YWHAH: variants seen among roughly 807,000 people sequenced by gnomAD.
YWHAH encodes 14-3-3 protein eta.
YWHAH carries 6 observed loss-of-function variants against 22.9 expected under a neutral mutation model. The observed-to-expected ratio is 0.26, with a 90% CI of 0.14 to 0.52. YWHAH has a LOEUF of 0.52. Ranked by LOEUF, YWHAH falls within the 20% of genes least tolerant of loss-of-function variation. YWHAH has a pLI of 0.97. For missense variants in YWHAH, 173 were observed against 308.6 expected, an observed-to-expected ratio of 0.56 and a Z score of 3.29; for synonymous variants, 135 against 124.5, an observed-to-expected ratio of 1.08 and a Z score of -0.56.
intron 1 of YWHAH, chr22:31,945,038 G>A: frequency 8.9e-7 from 1 of 1,119,728 alleles, no homozygotes; most frequent in Non-Finnish European, 1.1e-6. Flanking sequence ...GGAGGGTGCA[G>A]TTCGGGATCG....
At position 31,956,244 on chromosome 22, in the gene YWHAH, A is replaced by G. The variant is rs1251420804; in HGVS notation, c.193A>G (p.Ser65Gly). The change falls in exon 2 of 2, where the codon AGC becomes GGC. Residue 65 changes from serine (S) to glycine (G), a missense_variant. Coordinates refer to ENST00000248975, the MANE Select transcript of YWHAH (RefSeq NM_003405.4). The surrounding 1 kb of genome is among the most constrained non-coding windows in gnomAD (Gnocchi z 5.1). ...ARRSSWRVIS[S>G]IEQKTMADGN... is the part of the protein sequence containing the mutation. ...GCGATCTTCCTGGAGGGTCATTAGC[A>G]GCATTGAGCAGAAAACCATGGCTGA... The G allele has an allele frequency of 6.2e-7, 1 of 1,614,234 alleles. No individual in the cohort carries two copies. Among genetic ancestry groups the G allele is most frequent in the South Asian group, 1.1e-5 (1 of 91,082 alleles).
In YWHAH at chr22:31,944,859, G is replaced by C. The variant is rs775885217; in HGVS notation, c.87+39G>C. 8 of 1,301,984 alleles carry C rather than the reference G, an allele frequency of 6.1e-6. No individual in the cohort carries two copies. The South Asian group carries it at 1.1e-4, about 18-fold the overall frequency. The allele number at this position is 1,301,984 out of a possible 1,614,324, so 80.7% of individuals were successfully genotyped here. A position where few individuals can be genotyped will look rare whatever the true frequency, so the allele number is the denominator to read the frequency against. The stretch of plus-strand genomic sequence containing the variant: ...GAGCCCGGGCGGCTGGCCGGGGGGG[G>C]CCTGGCGTTGGGGAGGGACGGGGAT... On this transcript the variant is annotated intron_variant, in intron 1 of 1. Transcript: ENST00000248975.
chr22:31,956,879 G>A lies in YWHAH; in HGVS notation c.*87G>A, dbSNP rs2093850241. 1 of 1,436,500 alleles carries A rather than the reference G, an allele frequency of 7.0e-7. No homozygotes were observed. The highest frequency in any genetic ancestry group is 1.4e-5 in the African/African-American group (1 of 70,046). The allele number at this position is 1,436,500 out of a possible 1,614,324, so 89.0% of individuals were successfully genotyped here. A position where few individuals can be genotyped will look rare whatever the true frequency, so the allele number is the denominator to read the frequency against. On this transcript the variant is annotated 3_prime_UTR_variant, in exon 2 of 2. Coordinates refer to ENST00000248975, the MANE Select transcript of YWHAH (RefSeq NM_003405.4). The surrounding 1 kb of genome is among the most constrained non-coding windows in gnomAD (Gnocchi z 5.1). ...TTGCCACAATCACTAAATATCTAGT[G>A]CTAAACCTATCTGTATTGGCAGCAC...
intron 1 of YWHAH, chr22:31,945,753 G>A (rs951740324): frequency 9.7e-6 from 11 of 1,135,494 alleles, no homozygotes; most frequent in Admixed American, 6.2e-5. Context: ...CCTATGTTCA[G>A]TGTACAACCT....
chr22:31,948,458 C>T (rs945685335), intron 1 of YWHAH, among the ~76,000 whole-genome samples: 1 of 151,456 alleles, frequency 6.6e-6, no homozygotes, highest in African/African-American at 2.4e-5. Flanking sequence ...GTGGCACGAT[C>T]ATAATTCACT....
intron 1 of YWHAH, chr22:31,945,042 G>C (rs2093831611): frequency 3.6e-6 from 4 of 1,117,318 alleles, no homozygotes; most frequent in Non-Finnish European, 4.4e-6. Context: ...GGTGCAGTTC[G>C]GGATCGCGAA....
At chr22:31,954,229 A>C (rs780475482) in intron 1 of YWHAH, among the ~76,000 whole-genome samples, 7 of 152,006 alleles carry the variant, frequency 4.6e-5, no homozygotes, top group Middle Eastern at 6.8e-3. Context: ...TTTTTTGTTT[A>C]GTGTTTTATG....
Position 31,944,828 on chromosome 22 carries a change from C to T in YWHAH, c.87+8C>T. The stretch of plus-strand genomic sequence containing the variant: ...GCCTCCGCTATGAAGGCGGTGAGCG[C>T]GCCGGGAGCCCGGGCGGCTGGCCGG... On this transcript the variant is annotated splice_region_variant and intron_variant, in intron 1 of 1. Transcript: ENST00000248975. 2 of 1,368,816 alleles carry T rather than the reference C, an allele frequency of 1.5e-6. No individual in the cohort carries two copies. Among genetic ancestry groups the T allele is most frequent in the South Asian group, 3.0e-5 (2 of 67,152 alleles). The allele number at this position is 1,368,816 out of a possible 1,614,324, so 84.8% of individuals were successfully genotyped here.
At chr22:31,949,674 T>A (rs1399357792) in intron 1 of YWHAH, among the ~76,000 whole-genome samples, 1 of 152,204 alleles carries the variant, frequency 6.6e-6, no homozygotes, top group East Asian at 1.9e-4. Flanking sequence ...CATTCTTGTT[T>A]AACAATTCAG....
At chr22:31,953,622 G>T (rs1244044128) in intron 1 of YWHAH, among the ~76,000 whole-genome samples, 1 of 152,206 alleles carries the variant, frequency 6.6e-6, no homozygotes, top group African/African-American at 2.4e-5. Flanking sequence ...GGTTATAGGT[G>T]TTCAGCTGGA....
Position 31,945,173 on chromosome 22 carries a change from C to T in YWHAH, c.87+353C>T, listed in dbSNP as rs1186695851. ...CCGCATTTCTCCTAGAGCGTTTCACCGGACCCGGGGGCTCCCCCTCTCGTC... is the reference window on the plus strand; with the variant it reads ...CCGCATTTCTCCTAGAGCGTTTCACTGGACCCGGGGGCTCCCCCTCTCGTC... On this transcript the variant is annotated intron_variant, in intron 1 of 1. Transcript: ENST00000248975. 3.6e-6 allele frequency: 4 copies of T among 1,120,660 alleles called. No individual in the cohort carries two copies. The East Asian group carries it at 2.0e-4, about 57-fold the overall frequency. 69.4% of individuals were successfully genotyped at this position (1,120,660 alleles called of 1,614,324 possible). A position where few individuals can be genotyped will look rare whatever the true frequency, so the allele number is the denominator to read the frequency against.
chr22:31,953,627 G>C (rs1314294850), intron 1 of YWHAH, among the ~76,000 whole-genome samples: 1 of 152,220 alleles, frequency 6.6e-6, no homozygotes, highest in African/African-American at 2.4e-5. Flanking sequence ...TAGGTGTTCA[G>C]CTGGATTTAA....
chr22:31,955,015 A>G (rs1396927179), intron 1 of YWHAH, among the ~76,000 whole-genome samples: 1 of 152,218 alleles, frequency 6.6e-6, no homozygotes, highest in African/African-American at 2.4e-5. Flanking sequence ...TGGAGAACTA[A>G]GGGAAGTTAA....
rs367752222 is a variant in YWHAH at position 31,956,562 on chromosome 22, A to G, written c.511A>G (p.Ile171Val). The change falls in exon 2 of 2, where the codon ATC becomes GTC. Residue 171 changes from isoleucine (I) to valine (V), a missense_variant. Ile to Val is a conservative substitution (Grantham distance 29, BLOSUM62 3). Coordinates refer to ENST00000248975, the MANE Select transcript of YWHAH (RefSeq NM_003405.4). This position sits in a 1 kb window ranked among gnomAD's most constrained non-coding sequence, Gnocchi z 5.1. ...SKEQMQPTHPIRLGLALNFSV... is the reference protein window; with the variant it reads ...SKEQMQPTHPVRLGLALNFSV... ...AGAGCAGATGCAACCCACGCATCCC[A>G]TCCGGCTGGGCCTGGCCCTCAACTT... 4.3e-6 allele frequency: 7 copies of G among 1,614,100 alleles called. No individual in the cohort carries two copies. In the African/African-American group the frequency reaches 6.7e-5, roughly 15 times the overall value.
Position 31,956,354 on chromosome 22 carries a change from G to T in YWHAH, c.303G>T (p.Leu101=). The T allele has an allele frequency of 6.2e-7, 1 of 1,614,130 alleles. No individual in the cohort carries two copies. The highest frequency in any genetic ancestry group is 8.5e-7 in the Non-Finnish European group (1 of 1,180,032). The change falls in exon 2 of 2, where the codon CTG becomes CTT. Residue 101 remains leucine (L), a synonymous_variant. Coordinates refer to ENST00000248975, the MANE Select transcript of YWHAH (RefSeq NM_003405.4). This position sits in a 1 kb window ranked among gnomAD's most constrained non-coding sequence, Gnocchi z 5.1. ...TGGAGACAGTTTGCAATGATGTCCT[G>T]TCTCTGCTTGACAAGTTCCTGATCA... ...KELETVCNDV[L]SLLDKFLIKN...
rs959071319 is a variant in YWHAH, at chr22:31,956,348, T to C, written c.297T>C (p.Asp99=). The change falls in exon 2 of 2, where the codon GAT becomes GAC. Residue 99 remains aspartate, a synonymous_variant. Coordinates refer to ENST00000248975, the MANE Select transcript of YWHAH (RefSeq NM_003405.4). This position sits in a 1 kb window ranked among gnomAD's most constrained non-coding sequence, Gnocchi z 5.1. The part of the protein sequence containing the change: ...IEKELETVCN[D]VLSLLDKFLI... ...AGGAGCTGGAGACAGTTTGCAATGA[T>C]GTCCTGTCTCTGCTTGACAAGTTCC... 1 of 1,614,160 alleles carries C rather than the reference T, an allele frequency of 6.2e-7. No homozygotes were observed. Among genetic ancestry groups the C allele is most frequent in the Non-Finnish European group, 8.5e-7 (1 of 1,180,024 alleles).
At chr22:31,950,611 G>T (rs777567596) in intron 1 of YWHAH, among the ~76,000 whole-genome samples, 10 of 152,170 alleles carry the variant, frequency 6.6e-5, no homozygotes, top group Non-Finnish European at 1.0e-4. Flanking sequence ...CTATACAAGG[G>T]TAGCTGTTTT....
At chr22:31,952,468 G>A (rs1464413574) in intron 1 of YWHAH, among the ~76,000 whole-genome samples, 1 of 152,128 alleles carries the variant, frequency 6.6e-6, no homozygotes, top group East Asian at 1.9e-4. Context: ...TTAGTTATCT[G>A]GTCAAGTAGT....
In YWHAH at chr22:31,956,049, GAGA is replaced by G. The variant is rs1314123978; in HGVS notation, c.88-87_88-85del. 62 of 1,456,378 alleles carry G rather than the reference GAGA, an allele frequency of 4.3e-5. No homozygotes were observed. The highest frequency in any genetic ancestry group is 1.9e-4 in the Middle Eastern group (1 of 5,250). The allele number at this position is 1,456,378 out of a possible 1,614,324, so 90.2% of individuals were successfully genotyped here. On this transcript the variant is annotated intron_variant, in intron 1 of 1. Transcript: ENST00000248975. The surrounding 1 kb of genome is among the most constrained non-coding windows in gnomAD (Gnocchi z 5.1). ...CTGACCTGTTCGTAATTCCGTTCTT[GAGA>G]AGGATTGTTGATTATGTTGAAGGGA...
Sources: allele counts gnomAD v4.1 joint callset (sites outside exome capture counted in the v4.1 genomes callset), GRCh38; gene constraint gnomAD v4.1.1; non-coding constraint Gnocchi (gnomAD v3.1); transcripts MANE v1.5; gene names NCBI Gene and HGNC (gene_info 2026-07-23, HGNC 2026-07-21).